The following SLC35F3 variants were observed in gnomAD, a reference collection of about 807,000 sequenced individuals.
SLC35F3 encodes the protein putative thiamine transporter SLC35F3.
SLC35F3 carries 25 observed loss-of-function variants against 49.9 expected under a neutral mutation model. The observed-to-expected ratio is 0.50, with a 90% CI of 0.37 to 0.70. The LOEUF (loss-of-function observed/expected upper bound fraction) is 0.70. Ranked by LOEUF, SLC35F3 falls within the 30% of genes least tolerant of loss-of-function variation. The probability of loss-of-function intolerance (pLI) is 0.00; values close to 1 mark genes in which losing one functional copy is unlikely to be tolerated. For missense variants in SLC35F3, 525 were observed against 639.8 expected (o/e 0.82, Z 1.94); for synonymous variants, 275 against 265.4 (o/e 1.04, Z -0.35).
intron 2 of SLC35F3, among the ~76,000 whole-genome samples, chr1:234,193,340 T>TG (rs1260012196): frequency 6.6e-6 from 1 of 151,900 alleles, no homozygotes; most frequent in East Asian, 1.9e-4. Flanking sequence ...ACATAAAGTG[T>TG]GGAAAGGCCA....
At chr1:233,912,095 G>C (rs1055254875) in intron 2 of SLC35F3, among the ~76,000 whole-genome samples, 1 of 152,180 alleles carries the variant, frequency 6.6e-6, no homozygotes, top group Non-Finnish European at 1.5e-5. Context: ...GCCCTGAGGG[G>C]TGTCCACTTA....
intron 2 of SLC35F3, among the ~76,000 whole-genome samples, chr1:234,187,582 G>A (rs1421035516): frequency 2.0e-5 from 3 of 152,186 alleles, no homozygotes; most frequent in Non-Finnish European, 4.4e-5. Context: ...CCCAAATACT[G>A]TGCATGCCCA....
At chr1:233,924,322 G>A (rs758737653) in intron 2 of SLC35F3, among the ~76,000 whole-genome samples, 6 of 152,128 alleles carry the variant, frequency 3.9e-5, no homozygotes, top group Non-Finnish European at 7.4e-5. Flanking sequence ...CAATTTCAGA[G>A]CCTGTTATTG....
chr1:233,931,298 A>G (rs1662238348), intron 2 of SLC35F3, among the ~76,000 whole-genome samples: 1 of 152,220 alleles, frequency 6.6e-6, no homozygotes, highest in Non-Finnish European at 1.5e-5. Context: ...GGATCTAATT[A>G]AACTAAAGAG....
At chr1:234,178,666 G>T in intron 2 of SLC35F3, among the ~76,000 whole-genome samples, 1 of 149,908 alleles carries the variant, frequency 6.7e-6, no homozygotes, top group Middle Eastern at 3.2e-3. Flanking sequence ...TTATGGTTCA[G>T]TCTTGATGAT....
intron 3 of SLC35F3, among the ~76,000 whole-genome samples, chr1:234,307,494 T>A: frequency 6.6e-6 from 1 of 152,202 alleles, no homozygotes; most frequent in East Asian, 1.9e-4. Flanking sequence ...TCCTTCTAGA[T>A]TGATAGGAAG....
chr1:234,009,315 A>C (rs1380784243), intron 2 of SLC35F3, among the ~76,000 whole-genome samples: 1 of 152,142 alleles, frequency 6.6e-6, no homozygotes, highest in Non-Finnish European at 1.5e-5. Flanking sequence ...TGTGGTATTT[A>C]ATTTTCTTGG....
chr1:233,960,339 G>T (rs912237717), intron 2 of SLC35F3, among the ~76,000 whole-genome samples: 3 of 152,176 alleles, frequency 2.0e-5, no homozygotes, highest in African/African-American at 7.2e-5. Context: ...CTCGCCTTTA[G>T]GTGAGGACAT....
chr1:233,933,318 C>T (rs558019370), intron 2 of SLC35F3, among the ~76,000 whole-genome samples: 4 of 151,852 alleles, frequency 2.6e-5, no homozygotes, highest in East Asian at 1.9e-4. Context: ...TGTTGTATAC[C>T]GTTATTTTTT....
rs543480243 is a variant in SLC35F3, at chr1:233,921,002, A to G, written c.283+15244A>G. On this transcript the variant is annotated intron_variant, in intron 2 of 7. Coordinates refer to ENST00000366618, the MANE Select transcript of SLC35F3 (RefSeq NM_173508.4). ...CTAAACAGAGGGCCAACTAAGCTGT[A>G]CCCAGATCCCTGATTCACAGAAACT... 2.6e-5 allele frequency among the ~76,000 whole-genome samples: 4 copies of G among 152,374 alleles called. No homozygotes were observed. In the South Asian group the frequency reaches 6.2e-4, roughly 24 times the overall value.
chr1:234,062,479 G>A (rs1274053799), intron 2 of SLC35F3, among the ~76,000 whole-genome samples: 2 of 152,140 alleles, frequency 1.3e-5, no homozygotes, highest in African/African-American at 4.8e-5. Context: ...GAACCCCGGA[G>A]GGCTCCTCCC....
At chr1:234,243,866 A>C (rs2102958191) in intron 3 of SLC35F3, among the ~76,000 whole-genome samples, 1 of 152,296 alleles carries the variant, frequency 6.6e-6, no homozygotes, top group South Asian at 2.1e-4. Context: ...TTCCCTCCAA[A>C]TGGCTAGCAG....
In SLC35F3 at chr1:234,184,131, GTT is replaced by G. The variant is rs544965680; in HGVS notation, c.284-47280_284-47279del. ...TAATTCTTTACTAGCATGGAACACA[GTT>G]TTTTTAAAAAAAAAAAACAAAAAAC... On this transcript the variant is annotated intron_variant, in intron 2 of 7. Transcript: ENST00000366618. Among the ~76,000 whole-genome samples, 131 of 145,384 alleles carry G rather than the reference GTT, an allele frequency of 9.0e-4. No individual in the cohort carries two copies. The South Asian group carries it at 9.2e-3, about 10-fold the overall frequency.
At chr1:233,963,983 TATC>T (rs1662852384) in intron 2 of SLC35F3, among the ~76,000 whole-genome samples, 2 of 152,292 alleles carry the variant, frequency 1.3e-5, no homozygotes, top group South Asian at 2.1e-4. Context: ...TTGAAAGACT[TATC>T]ATCATTTCTA....
At chr1:234,177,034 C>T (rs1335753574) in intron 2 of SLC35F3, among the ~76,000 whole-genome samples, 1 of 152,196 alleles carries the variant, frequency 6.6e-6, no homozygotes, top group Admixed American at 6.5e-5. Flanking sequence ...TCCCACAATT[C>T]CCACATGTCA....
At chr1:234,093,520 T>C (rs1226907209) in intron 2 of SLC35F3, among the ~76,000 whole-genome samples, 2 of 152,222 alleles carry the variant, frequency 1.3e-5, no homozygotes, top group Non-Finnish European at 2.9e-5. Flanking sequence ...CCAAGGCCTT[T>C]TCTTCCTATA....
chr1:234,137,265 G>C (rs1351206329), intron 2 of SLC35F3, among the ~76,000 whole-genome samples: 1 of 152,224 alleles, frequency 6.6e-6, no homozygotes, highest in Admixed American at 6.5e-5. Flanking sequence ...AGGAGGTTGA[G>C]AAAGAGCAGT....
At chr1:234,126,548 TCAA>T (rs1665650808) in intron 2 of SLC35F3, among the ~76,000 whole-genome samples, 1 of 151,278 alleles carries the variant, frequency 6.6e-6, no homozygotes, top group Non-Finnish European at 1.5e-5. Flanking sequence ...ATCACTACAG[TCAA>T]GACCACACAG....
In SLC35F3 at chr1:233,905,243, G is replaced by C; in HGVS notation, c.53+113G>C. On this transcript the variant is annotated intron_variant, in intron 1 of 7. Coordinates refer to ENST00000366618, the MANE Select transcript of SLC35F3 (RefSeq NM_173508.4). ...AGTCTGAGGCTCGGGGAAGGGCGGC[G>C]CGCGCGGTGGAGCTGCTCGGGAAGT... 4.3e-6 allele frequency: 5 copies of C among 1,169,588 alleles called. No individual in the cohort carries two copies. The Admixed American group carries it at 1.0e-4, about 24-fold the overall frequency. 72.5% of individuals were successfully genotyped at this position (1,169,588 alleles called of 1,614,324 possible).
Sources: gnomAD v4.1 joint callset for allele counts (sites outside exome capture counted in the v4.1 genomes callset) on GRCh38, gnomAD v4.1.1 for gene constraint, MANE v1.5 for transcripts, NCBI Gene and HGNC (gene_info 2026-07-23, HGNC 2026-07-21) for gene names.